BBS7: variants seen among roughly 807,000 people sequenced by gnomAD.
The protein encoded by BBS7 is Bardet-Biedl syndrome 7.
A neutral mutation model predicts 90.3 loss-of-function variants in BBS7; 50 were observed. That is an observed-to-expected ratio of 0.55 (90% CI 0.44 to 0.70). BBS7 has a LOEUF of 0.70. Ranked by LOEUF, BBS7 falls within the 30% of genes least tolerant of loss-of-function variation. The probability of loss-of-function intolerance (pLI) is 0.00; values close to 1 mark genes in which losing one functional copy is unlikely to be tolerated. For missense variants in BBS7, 729 were observed against 838.9 expected (o/e 0.87, Z 1.62); for synonymous variants, 235 against 287.4 (o/e 0.82, Z 1.85).
chr4:121,869,322 T>C (rs983180015), intron 1 of BBS7, among the ~76,000 whole-genome samples: 2 of 152,144 alleles, frequency 1.3e-5, no homozygotes, highest in East Asian at 3.8e-4. Flanking sequence ...TGAAAGGCAG[T>C]GTAGTGTAAC....
rs1038508144 is a variant in BBS7, at chr4:121,850,442, A to T, written c.850-1514T>A. 2.6e-5 allele frequency among the ~76,000 whole-genome samples: 4 copies of T among 152,288 alleles called. No individual in the cohort carries two copies. In the East Asian group the frequency reaches 7.7e-4, roughly 29 times the overall value. Reference sequence around the variant, plus strand: ...TGGCCTCCCAAAGTGCTGGGATTACAGGTGTGAGCCACTGTGCCAGGCCAG... The same window carrying T: ...TGGCCTCCCAAAGTGCTGGGATTACTGGTGTGAGCCACTGTGCCAGGCCAG... On this transcript the variant is annotated intron_variant, in intron 8 of 18. Transcript: ENST00000264499.
intron 1 of BBS7, among the ~76,000 whole-genome samples, chr4:121,869,044 G>A (rs1431316941): frequency 2.6e-5 from 4 of 152,192 alleles, no homozygotes; most frequent in Admixed American, 2.0e-4. Flanking sequence ...GAGTTCAGGA[G>A]CCCAATTTGG....
intron 5 of BBS7, 84 bp downstream of exon 5, chr4:121,858,908 C>A: frequency 7.6e-7 from 1 of 1,308,122 alleles, no homozygotes; most frequent in Non-Finnish European, 1.1e-6. Flanking sequence ...AAAACAGTAA[C>A]CACTAATTTA....
intron 18 of BBS7, chr4:121,827,692 C>T: frequency 1.3e-6 from 1 of 774,796 alleles, no homozygotes; most frequent in South Asian, 5.9e-5. Flanking sequence ...CTTCTCACCA[C>T]CAAAGTTTTG....
In BBS7 at chr4:121,847,523, C is replaced by T. The variant is rs1393122048; in HGVS notation, c.935-17G>A. ...TAACCCAGCCTGTAGAGATGAATTA[C>T]AATCACGCACCACTTAGTACTGCTA... On this transcript the variant is annotated splice_polypyrimidine_tract_variant and intron_variant, in intron 9 of 18. Transcript: ENST00000264499. The T allele has an allele frequency of 6.5e-7, 1 of 1,529,204 alleles. No individual in the cohort carries two copies. The highest frequency in any genetic ancestry group is 9.1e-7 in the Non-Finnish European group (1 of 1,103,184). The allele number at this position is 1,529,204 out of a possible 1,614,324, so 94.7% of individuals were successfully genotyped here.
Position 121,828,676 on chromosome 4 carries a change from T to G in BBS7, c.1729A>C (p.Lys577Gln), listed in dbSNP as rs200953128. 5.6e-6 allele frequency: 9 copies of G among 1,610,376 alleles called. No individual in the cohort carries two copies. The African/African-American group carries it at 9.3e-5, about 17-fold the overall frequency. Residue 577 changes from lysine (K) to glutamine (Q), a missense_variant, in exon 16 of 19, where the codon AAA becomes CAA. Lys to Gln is a moderately conservative substitution (Grantham distance 53). Coordinates refer to ENST00000264499, the MANE Select transcript of BBS7 (RefSeq NM_176824.3). ...SDNISTISILKDVLSKEATKR... is the reference protein window; with the variant it reads ...SDNISTISILQDVLSKEATKR... ...GTAGCTTCTTTAGAAAGCACATCTTTTAGGATGGAGATAGTAGAAATGTTG... is the reference window on the plus strand; with the variant it reads ...GTAGCTTCTTTAGAAAGCACATCTTGTAGGATGGAGATAGTAGAAATGTTG...
chr4:121,828,380 C>G (rs1233449467), intron 17 of BBS7, 22 bp downstream of exon 17: 2 of 1,600,348 alleles, frequency 1.2e-6, no homozygotes, highest in East Asian at 4.5e-5. Flanking sequence ...AATCACCAGT[C>G]CACGACGACA....
rs776448284 is a variant in BBS7, at chr4:121,855,536, T to G, written c.554A>C (p.Glu185Ala). 7 of 1,613,572 alleles carry G rather than the reference T, an allele frequency of 4.3e-6. No homozygotes were observed. The Admixed American group carries it at 6.7e-5, about 15-fold the overall frequency. ...LQGSDVMYAV[E>A]VPGPPTVLAL... Reference sequence around the variant, plus strand: ...TAAGACAGTAGGGGGTCCAGGAACTTCAACTGCATACATCACATCAGATCC... The same window carrying G: ...TAAGACAGTAGGGGGTCCAGGAACTGCAACTGCATACATCACATCAGATCC... The change falls in exon 6 of 19, where the codon GAA (glutamate) becomes GCA (alanine). Residue 185 changes from glutamate (E) to alanine (A), a missense_variant. Glu to Ala is a moderately radical substitution (Grantham distance 107). Transcript: ENST00000264499.
chr4:121,863,985 T>C (rs1430488261), intron 2 of BBS7, among the ~76,000 whole-genome samples: 1 of 152,174 alleles, frequency 6.6e-6, no homozygotes, highest in African/African-American at 2.4e-5. Flanking sequence ...AGCGGGAAAG[T>C]GATCATTTAC....
chr4:121,829,126 T>C (rs1184456653), intron 15 of BBS7, among the ~76,000 whole-genome samples: 1 of 152,206 alleles, frequency 6.6e-6, no homozygotes, highest in Non-Finnish European at 1.5e-5. Flanking sequence ...AGTGTGACTA[T>C]ATGCTTTATC....
At chr4:121,847,050 G>C (rs1726046884) in intron 10 of BBS7, among the ~76,000 whole-genome samples, 2 of 152,082 alleles carry the variant, frequency 1.3e-5, no homozygotes, top group South Asian at 2.1e-4. Context: ...GCAAACGTTA[G>C]AGTTAATGAG....
intron 15 of BBS7, among the ~76,000 whole-genome samples, chr4:121,829,335 A>T (rs1463357287): frequency 6.6e-6 from 1 of 151,850 alleles, no homozygotes; most frequent in Non-Finnish European, 1.5e-5. Flanking sequence ...TCTGGGTTCA[A>T]GCGATTCTCC....
rs773052355 is a variant in BBS7 at position 121,833,252 on chromosome 4, G to GT, written c.1654dup (p.Thr552AsnfsTer4). 29 of 1,613,714 alleles carry GT rather than the reference G, an allele frequency of 1.8e-5. No homozygotes were observed. The highest frequency in any genetic ancestry group is 2.4e-5 in the Non-Finnish European group (28 of 1,179,814). Reference sequence around the variant, plus strand: ...TTACCTGTAGGTACTTTCAAGTTGTGTATCTAGAAAGGTGTTCTGAAAGTA... The same window carrying GT: ...TTACCTGTAGGTACTTTCAAGTTGTGTTATCTAGAAAGGTGTTCTGAAAGTA... On this transcript the variant is annotated frameshift_variant, in exon 15 of 19. Transcript: ENST00000264499. LOFTEE classifies it high-confidence loss of function.
Position 121,825,967 on chromosome 4 carries a change from T to C in BBS7, c.2041A>G (p.Lys681Glu). Residue 681 changes from lysine (K) to glutamate (E), a missense_variant, in exon 19 of 19, where the codon AAA (lysine) becomes GAA (glutamate). Coordinates refer to ENST00000264499, the MANE Select transcript of BBS7 (RefSeq NM_176824.3). ...ACATTGGTGCCTTTAAACTTAAATT[T>C]ATCTATGAAAAGATCAGTGATCATG... is the stretch of plus-strand genomic sequence containing the variant. Reference protein sequence around the residue: ...YGMITDLFIDKFKFKGTNVKT... With the variant: ...YGMITDLFIDEFKFKGTNVKT... The C allele has an allele frequency of 1.2e-6, 2 of 1,605,142 alleles. No individual in the cohort carries two copies. The highest frequency in any genetic ancestry group is 1.7e-6 in the Non-Finnish European group (2 of 1,172,750).
rs1328662883 is a variant in BBS7 at position 121,833,280 on chromosome 4, A to T, written c.1627T>A (p.Phe543Ile). The T allele has an allele frequency of 6.2e-7, 1 of 1,614,022 alleles. No individual in the cohort carries two copies. The change falls in exon 15 of 19, where the codon TTT (phenylalanine) becomes ATT (isoleucine). Residue 543 changes from phenylalanine (F) to isoleucine (I), a missense_variant. Physicochemically the swap from Phe to Ile is conservative, Grantham distance 21. Coordinates refer to ENST00000264499, the MANE Select transcript of BBS7 (RefSeq NM_176824.3). ...TCTAGAAAGGTGTTCTGAAAGTAAA[A>T]TGTCACACATTCTCCTGCTGGAGGT... is the stretch of plus-strand genomic sequence containing the variant. ...EKPPAGECVT[F>I]YFQNTFLDTQ... is the part of the protein sequence containing the mutation.
intron 4 of BBS7, 151 bp downstream of exon 4, chr4:121,861,353 G>A: frequency 1.4e-6 from 1 of 703,066 alleles, no homozygotes; most frequent in East Asian, 2.8e-5. Context: ...AATATTGATT[G>A]TAGGTCAAAT....
At chr4:121,860,901 T>C (rs984536021) in intron 4 of BBS7, among the ~76,000 whole-genome samples, 5 of 152,316 alleles carry the variant, frequency 3.3e-5, no homozygotes, top group Admixed American at 2.0e-4. Flanking sequence ...CCTGGTTATT[T>C]TGATTCGGCA....
intron 2 of BBS7, among the ~76,000 whole-genome samples, chr4:121,867,329 T>C (rs1727340813): frequency 6.6e-6 from 1 of 152,146 alleles, no homozygotes; most frequent in African/African-American, 2.4e-5. Context: ...GTAGAGTCTT[T>C]AGGTTTTTCT....
At chr4:121,827,926 C>G in intron 18 of BBS7, 2 of 1,325,942 alleles carry the variant, frequency 1.5e-6, no homozygotes, top group Non-Finnish European at 1.9e-6. Context: ...TCTTAATATA[C>G]TTGCATTTTA....
Sources: allele counts gnomAD v4.1 joint callset (sites outside exome capture counted in the v4.1 genomes callset), GRCh38; gene constraint gnomAD v4.1.1; transcripts MANE v1.5; gene names NCBI Gene and HGNC (gene_info 2026-07-23, HGNC 2026-07-21).